Variants in AGTPBP1 observed in about 807,000 individuals in gnomAD.
AGTPBP1 encodes ATP/GTP binding carboxypeptidase 1.
In AGTPBP1, 70 loss-of-function variants were observed where a neutral mutation model predicts 143.9. The ratio of observed to expected loss-of-function variants is 0.49; its 90% confidence interval spans 0.40 to 0.59. The LOEUF (loss-of-function observed/expected upper bound fraction) is 0.59. AGTPBP1 is among the 20% of genes least tolerant of loss of function. The pLI, the probability that AGTPBP1 is intolerant of heterozygous loss-of-function variation, is 0.00. For missense variants in AGTPBP1, 1,229 were observed against 1,464.5 expected (o/e 0.84, Z 2.62); for synonymous variants, 463 against 500.2 (o/e 0.93, Z 0.99).
rs773563578 is a variant in AGTPBP1 at position 85,646,312 on chromosome 9, T to A, written c.1185+9A>T. 2.5e-6 allele frequency: 4 copies of A among 1,604,510 alleles called. No homozygotes were observed. In the Admixed American group the frequency reaches 6.7e-5, roughly 27 times the overall value. ...ATAAAGCTAACTAATTACAGAAATT[T>A]ATACTAACCTTAAAATTTTGATCTA... is the stretch of plus-strand genomic sequence containing the variant. On this transcript the variant is annotated intron_variant, in intron 12 of 25. Coordinates refer to ENST00000357081, the MANE Select transcript of AGTPBP1 (RefSeq NM_001330701.2).
At chr9:85,671,153 G>A (rs1398229457) in intron 7 of AGTPBP1, among the ~76,000 whole-genome samples, 1 of 148,330 alleles carries the variant, frequency 6.7e-6, no homozygotes, top group Admixed American at 6.8e-5. Context: ...TCACTATGTT[G>A]CCCAGGCTGG....
intron 1 of AGTPBP1, among the ~76,000 whole-genome samples, chr9:85,730,677 T>C (rs1157230275): frequency 6.6e-6 from 1 of 152,190 alleles, no homozygotes; most frequent in Non-Finnish European, 1.5e-5. Context: ...CCCTTTGACA[T>C]AGCCTTGAAC....
At chr9:85,654,413 C>T (rs1421252851) in intron 11 of AGTPBP1, among the ~76,000 whole-genome samples, 2 of 151,680 alleles carry the variant, frequency 1.3e-5, no homozygotes, top group Non-Finnish European at 2.9e-5. Flanking sequence ...TTTTGTTAAG[C>T]ATAAAACCAT....
At chr9:85,675,865 A>C (rs902944315) in intron 6 of AGTPBP1, among the ~76,000 whole-genome samples, 1 of 152,140 alleles carries the variant, frequency 6.6e-6, no homozygotes, top group Non-Finnish European at 1.5e-5. Flanking sequence ...CTCTACTAAA[A>C]ATACAAAAAA....
At chr9:85,738,093 T>C (rs1261348161) in intron 1 of AGTPBP1, among the ~76,000 whole-genome samples, 1 of 152,218 alleles carries the variant, frequency 6.6e-6, no homozygotes, top group African/African-American at 2.4e-5. Flanking sequence ...AAATAGGGTG[T>C]TTATATTAAC....
At chr9:85,621,360 T>C in intron 14 of AGTPBP1, 75 bp from the exon 15 acceptor site, 1 of 618,662 alleles carries the variant, frequency 1.6e-6, no homozygotes, top group Non-Finnish European at 2.5e-6. Context: ...AAATTTTGAA[T>C]GAAAAAAGTG....
the AGTPBP1 span, chr9:85,786,427 T>C: frequency 1.2e-6 from 2 of 1,613,858 alleles, no homozygotes; most frequent in African/African-American, 1.3e-5. Context: ...GACGACTTCA[T>C]GGTGTCACAC....
At chr9:85,553,047 T>C (rs759680547) in intron 25 of AGTPBP1, among the ~76,000 whole-genome samples, 2 of 152,232 alleles carry the variant, frequency 1.3e-5, no homozygotes, top group Non-Finnish European at 2.9e-5. Flanking sequence ...TAAAATTTTA[T>C]TCCTATCTTG....
chr9:85,687,866 G>T (rs1835583106), intron 3 of AGTPBP1, among the ~76,000 whole-genome samples: 1 of 151,890 alleles, frequency 6.6e-6, no homozygotes, highest in African/African-American at 2.4e-5. Context: ...AAGGTAAGTG[G>T]ATCACCTGAG....
chr9:85,693,637 G>C (rs897450528), intron 2 of AGTPBP1, among the ~76,000 whole-genome samples: 2 of 152,060 alleles, frequency 1.3e-5, no homozygotes, highest in Non-Finnish European at 2.9e-5. Context: ...TACTGATCTA[G>C]GTGTTGTCAA....
intron 25 of AGTPBP1, among the ~76,000 whole-genome samples, chr9:85,551,160 C>T (rs537264851): frequency 6.6e-6 from 1 of 152,212 alleles, no homozygotes; most frequent in Non-Finnish European, 1.5e-5. Flanking sequence ...CACCATGCTT[C>T]CTGTACAGCC....
chr9:85,769,520 C>CAAAAAAAAAAAAAA, the AGTPBP1 span, among the ~76,000 whole-genome samples: 2 of 60,886 alleles, frequency 3.3e-5, no homozygotes, highest in African/African-American at 4.2e-5. Context: ...ACCCTGTGTC[C>CAAAAAAAAAAAAAA]AAAAAAAAAA....
intron 2 of AGTPBP1, among the ~76,000 whole-genome samples, chr9:85,693,167 G>A (rs62569245): frequency 0.078 from 11,871 of 152,024 alleles, 649 homozygotes; most frequent in Middle Eastern, 0.14. Context: ...CTTCCCATCC[G>A]ACTCCATTCT....
At chr9:85,749,672 C>T in the AGTPBP1 span, among the ~76,000 whole-genome samples, 1 of 152,050 alleles carries the variant, frequency 6.6e-6, no homozygotes, top group Non-Finnish European at 1.5e-5. Context: ...TTTTAACCAC[C>T]CATTTCCTCA....
At chr9:85,672,128 T>G (rs1185092180) in intron 7 of AGTPBP1, among the ~76,000 whole-genome samples, 1 of 151,970 alleles carries the variant, frequency 6.6e-6, no homozygotes, top group East Asian at 1.9e-4. Flanking sequence ...TGGAGTGCAA[T>G]GGCACAATCT....
At chr9:85,754,248 G>A in the AGTPBP1 span, among the ~76,000 whole-genome samples, 8 of 152,308 alleles carry the variant, frequency 5.3e-5, no homozygotes, top group East Asian at 9.6e-4. Context: ...CTGGAGTGCT[G>A]TGGCACGATC....
At chr9:85,734,179 G>A (rs1839078261) in intron 1 of AGTPBP1, among the ~76,000 whole-genome samples, 1 of 152,128 alleles carries the variant, frequency 6.6e-6, no homozygotes, top group Admixed American at 6.5e-5. Context: ...CTTGAACCCA[G>A]GAGGCAGAGG....
At chr9:85,632,609 C>T (rs1285180654) in intron 14 of AGTPBP1, 53 bp downstream of exon 14, 18 of 1,443,094 alleles carry the variant, frequency 1.2e-5, no homozygotes, top group Non-Finnish European at 1.6e-5. Context: ...TTAAGACTGC[C>T]TCATATCTTG....
the AGTPBP1 span, among the ~76,000 whole-genome samples, chr9:85,795,485 G>C: frequency 0.016 from 2,453 of 152,258 alleles, 63 homozygotes; most frequent in African/African-American, 0.056. Context: ...CAAGTAAACA[G>C]GCAGTTACAT....
Sources: allele counts gnomAD v4.1 joint callset (sites outside exome capture counted in the v4.1 genomes callset), GRCh38; gene constraint gnomAD v4.1.1; transcripts MANE v1.5; gene names NCBI Gene and HGNC (gene_info 2026-07-23, HGNC 2026-07-21).